The following PTPRD variants were observed in gnomAD, a reference collection of about 807,000 sequenced individuals.
The protein encoded by PTPRD is protein tyrosine phosphatase receptor type D, also known as receptor-type tyrosine-protein phosphatase delta.
Under a neutral mutation model 214.5 loss-of-function variants are expected in PTPRD, and 34 were observed. The observed-to-expected ratio is 0.16, with a 90% CI of 0.12 to 0.21. The LOEUF (loss-of-function observed/expected upper bound fraction) is 0.21. PTPRD is among the 10% of genes least tolerant of loss of function. The pLI is 1.00. For synonymous variants in PTPRD, 1,128 were observed against 845.7 expected (o/e 1.33, Z -5.79); for missense variants, 2,545 against 2,398.7 (o/e 1.06, Z -1.27).
intron 11 of PTPRD, among the ~76,000 whole-genome samples, chr9:8,770,565 G>C (rs2095129742): frequency 6.6e-6 from 1 of 152,120 alleles, no homozygotes; most frequent in Admixed American, 6.6e-5. Context: ...CTAGGAAACT[G>C]ACTGAGAAGC....
At chr9:10,337,445 T>G (rs2096863275) in intron 3 of PTPRD, among the ~76,000 whole-genome samples, 1 of 151,714 alleles carries the variant, frequency 6.6e-6, no homozygotes, top group Non-Finnish European at 1.5e-5. Context: ...AATAGGAAAT[T>G]TATGTGAACA....
At chr9:9,010,050 G>C (rs2099502069) in intron 11 of PTPRD, among the ~76,000 whole-genome samples, 1 of 152,106 alleles carries the variant, frequency 6.6e-6, no homozygotes, top group African/African-American at 2.4e-5. Context: ...ATTTTTAGGA[G>C]TTGCCTTAGG....
chr9:9,039,539 C>A (rs998127715), intron 10 of PTPRD, among the ~76,000 whole-genome samples: 5 of 152,152 alleles, frequency 3.3e-5, no homozygotes, highest in African/African-American at 1.2e-4. Flanking sequence ...CAACCATTGC[C>A]ATTTGTTTAC....
intron 10 of PTPRD, among the ~76,000 whole-genome samples, chr9:9,181,140 A>G (rs1274281162): frequency 3.3e-5 from 5 of 152,012 alleles, no homozygotes; most frequent in African/African-American, 7.2e-5. Context: ...ATGGGATCAT[A>G]TGAAGATAAC....
intron 10 of PTPRD, among the ~76,000 whole-genome samples, chr9:9,046,424 G>T (rs968342192): frequency 6.6e-6 from 1 of 152,106 alleles, no homozygotes; most frequent in African/African-American, 2.4e-5. Context: ...CTGTTATCGT[G>T]AACTGAATAA....
chr9:10,541,138 T>C (rs1342590166), intron 2 of PTPRD, among the ~76,000 whole-genome samples: 1 of 152,198 alleles, frequency 6.6e-6, no homozygotes, highest in East Asian at 1.9e-4. Context: ...CAGGACTTAA[T>C]TATACTATTT....
At chr9:8,772,643 T>TA (rs1473521825) in intron 11 of PTPRD, among the ~76,000 whole-genome samples, 5 of 152,068 alleles carry the variant, frequency 3.3e-5, no homozygotes, top group East Asian at 3.9e-4. Flanking sequence ...ACCTTGTCTC[T>TA]AAAAAAATAA....
At chr9:8,494,007 GACAC>G (rs761859777) in intron 26 of PTPRD, among the ~76,000 whole-genome samples, 1,456 of 91,570 alleles carry the variant, frequency 0.016, 14 homozygotes, top group African/African-American at 0.035. Flanking sequence ...CAGACACACA[GACAC>G]ACACACACAC....
At chr9:8,793,608 G>A (rs1318821694) in intron 11 of PTPRD, among the ~76,000 whole-genome samples, 1 of 152,178 alleles carries the variant, frequency 6.6e-6, no homozygotes. Flanking sequence ...TGAGTCCAGT[G>A]CTCTTCCTAC....
At chr9:9,233,760 G>A (rs897093342) in intron 9 of PTPRD, among the ~76,000 whole-genome samples, 3 of 152,176 alleles carry the variant, frequency 2.0e-5, no homozygotes, top group African/African-American at 7.2e-5. Context: ...AAACCTTAAA[G>A]TTCCAAAATG....
At chr9:8,707,709 G>T (rs2098238781) in intron 12 of PTPRD, among the ~76,000 whole-genome samples, 1 of 152,116 alleles carries the variant, frequency 6.6e-6, no homozygotes, top group African/African-American at 2.4e-5. Context: ...GAGAGAAAAG[G>T]TCTCCTACTA....
chr9:9,850,664 T>C (rs2060389075), intron 5 of PTPRD, among the ~76,000 whole-genome samples: 1 of 152,194 alleles, frequency 6.6e-6, no homozygotes, highest in African/African-American at 2.4e-5. Context: ...TTGTATCACA[T>C]ATTTGTTTTT....
intron 5 of PTPRD, among the ~76,000 whole-genome samples, chr9:9,818,643 C>T (rs946299024): frequency 3.3e-5 from 5 of 151,930 alleles, no homozygotes; most frequent in African/African-American, 4.8e-5. Context: ...ATGGGTCGGG[C>T]GTGGTGGCTC....
intron 8 of PTPRD, among the ~76,000 whole-genome samples, chr9:9,529,271 AC>A (rs1186696270): frequency 8.0e-5 from 12 of 149,692 alleles, no homozygotes; most frequent in Admixed American, 5.3e-4. Flanking sequence ...AAAACTCCAA[AC>A]AAAAAAAAAA....
At chr9:8,330,425 A>AAAGTATGTGTGACTCCCTTTATT (rs1839021329) in intron 44 of PTPRD, among the ~76,000 whole-genome samples, 1 of 152,186 alleles carries the variant, frequency 6.6e-6, no homozygotes, top group African/African-American at 2.4e-5. Flanking sequence ...GGGAAACCAA[A>AAAGTATGTGTGACTCCCTTTATT]AAGTATGTGT....
chr9:9,844,396 T>A (rs1177533744), intron 5 of PTPRD, among the ~76,000 whole-genome samples: 2 of 151,928 alleles, frequency 1.3e-5, no homozygotes, highest in Non-Finnish European at 2.9e-5. Context: ...CTTTAAAAAG[T>A]CAAACTCAAA....
chr9:10,191,217 G>A (rs754819104), intron 3 of PTPRD, among the ~76,000 whole-genome samples: 5 of 151,370 alleles, frequency 3.3e-5, no homozygotes, highest in Admixed American at 6.6e-5. Flanking sequence ...AAAAGTTAGG[G>A]GTAAATTAAA....
intron 10 of PTPRD, among the ~76,000 whole-genome samples, chr9:9,145,964 T>C (rs1188609759): frequency 6.6e-6 from 1 of 152,218 alleles, no homozygotes; most frequent in Non-Finnish European, 1.5e-5. Context: ...ATGTCCTTCA[T>C]GAAGAACGGG....
chr9:10,148,545 A>G (rs531755980), intron 3 of PTPRD, among the ~76,000 whole-genome samples: 5 of 152,332 alleles, frequency 3.3e-5, no homozygotes, highest in African/African-American at 1.2e-4. Flanking sequence ...AGGAAAGCAA[A>G]TACTATGGAA....
Sources: allele counts gnomAD v4.1 joint callset (sites outside exome capture counted in the v4.1 genomes callset), GRCh38; gene constraint gnomAD v4.1.1; transcripts MANE v1.5; gene names NCBI Gene and HGNC (gene_info 2026-07-23, HGNC 2026-07-21).